Variants in COL7A1 observed in about 807,000 individuals in gnomAD.
The protein encoded by COL7A1 is collagen alpha-1(VII) chain.
A neutral mutation model predicts 456.2 loss-of-function variants in COL7A1; 296 were observed. The ratio of observed to expected loss-of-function variants is 0.65; its 90% CI spans 0.59 to 0.71. COL7A1 has a LOEUF of 0.71. Among genes scored for constraint, COL7A1 ranks in the 30% least tolerant of loss-of-function variants. The pLI, the probability that COL7A1 is intolerant of heterozygous loss-of-function variation, is 0.00. For missense variants in COL7A1, 3,441 were observed against 4,017.2 expected, an observed-to-expected ratio of 0.86 and a Z score of 3.88; for synonymous variants, 1,464 against 1,525.9, an observed-to-expected ratio of 0.96 and a Z score of 0.95.
rs1395765132 is a variant in COL7A1, at chr3:48,592,100, A to T, written c.1240+2T>A. ...CCTGAAGAAAGTGCCCAGCCTTCTC[A>T]CCAGTGCGAGCCATCAGGGAAGTGG... On this transcript the variant is annotated splice_donor_variant, in intron 10 of 118. Coordinates refer to ENST00000681320, the MANE Select transcript of COL7A1 (RefSeq NM_000094.4). LOFTEE classifies it high-confidence loss of function. This position sits in a 1 kb window ranked among gnomAD's most constrained non-coding sequence, Gnocchi z 7.6. The T allele has an allele frequency of 6.2e-7, 1 of 1,614,068 alleles. No homozygotes were observed. The highest frequency in any genetic ancestry group is 1.7e-5 in the Admixed American group (1 of 60,032).
In COL7A1 at chr3:48,586,414, G is replaced by A. The variant is rs755299317; in HGVS notation, c.3468C>T (p.His1156=). 9 of 1,613,762 alleles carry A rather than the reference G, an allele frequency of 5.6e-6. No homozygotes were observed. In the Admixed American group the frequency reaches 1.0e-4, roughly 18 times the overall value. The change falls in exon 27 of 119, where the codon CAC becomes CAT. Residue 1156 remains histidine, a synonymous_variant. Transcript: ENST00000681320. The surrounding 1 kb of genome is among the most constrained non-coding windows in gnomAD (Gnocchi z 5.1). ...LAPDAPGRRQ[H]VPGVMVLLVD... is the part of the protein sequence containing the mutation. ...CTAGCAGAACCATCACCCCTGGTAC[G>A]TGCTGGCGGCGCCCAGGAGCATCTG... is the stretch of plus-strand genomic sequence containing the variant.
chr3:48,580,034 C>G lies in COL7A1; in HGVS notation c.5121G>C (p.Arg1707=), dbSNP rs2107702844. The G allele has an allele frequency of 6.2e-7, 1 of 1,613,988 alleles. No homozygotes were observed. Among genetic ancestry groups the G allele is most frequent in the Non-Finnish European group, 8.5e-7 (1 of 1,179,970 alleles). The change falls in exon 57 of 119, where the codon CGG becomes CGC. Residue 1707 remains arginine, a synonymous_variant. Transcript: ENST00000681320. This position sits in a 1 kb window ranked among gnomAD's most constrained non-coding sequence, Gnocchi z 4.5. ...CCAGACCCAGCGCAGCCCTTACCAGCCGTCCCGGGGGTCCTGGGGGACCCT... is the reference window on the plus strand; with the variant it reads ...CCAGACCCAGCGCAGCCCTTACCAGGCGTCCCGGGGGTCCTGGGGGACCCT... The part of the protein sequence containing the change: ...GEPGPPGPPG[R]LVDTGPGARE...
chr3:48,584,478 C>A lies in COL7A1; in HGVS notation c.4119+7G>T, dbSNP rs372331035. 2 of 1,614,016 alleles carry A rather than the reference C, an allele frequency of 1.2e-6. No homozygotes were observed. The highest frequency in any genetic ancestry group is 4.5e-5 in the East Asian group (2 of 44,882). On this transcript the variant is annotated splice_region_variant and intron_variant, in intron 36 of 118. Coordinates refer to ENST00000681320, the MANE Select transcript of COL7A1 (RefSeq NM_000094.4). ...ACATCACTTGCCTCCACATACCCTG[C>A]ACTTACCGATGGTCCAGGGTCCCCT...
Position 48,585,796 on chromosome 3 carries a change from C to A in COL7A1, c.3786+34G>T. On this transcript the variant is annotated intron_variant, in intron 30 of 118. Transcript: ENST00000681320. The surrounding 1 kb of genome is among the most constrained non-coding windows in gnomAD (Gnocchi z 4.5). ...CTCTCCTGCCCCACTGACACTCAAC[C>A]CATTCTCTATTCCCCGCCCGCAGGG... 1 of 1,614,092 alleles carries A rather than the reference C, an allele frequency of 6.2e-7. No individual in the cohort carries two copies. Among genetic ancestry groups the A allele is most frequent in the Non-Finnish European group, 8.5e-7 (1 of 1,180,016 alleles).
Position 48,590,297 on chromosome 3 carries a change from G to A in COL7A1, c.1966C>T (p.Gln656Ter). The A allele has an allele frequency of 6.2e-7, 1 of 1,614,068 alleles. No homozygotes were observed. Among genetic ancestry groups the A allele is most frequent in the South Asian group, 1.1e-5 (1 of 91,076 alleles). The change falls in exon 16 of 119, where the codon CAG becomes TAG. Residue 656 changes from glutamine to a stop codon, truncating the protein, a stop_gained. Transcript: ENST00000681320. LOFTEE classifies it high-confidence loss of function. This position sits in a 1 kb window ranked among gnomAD's most constrained non-coding sequence, Gnocchi z 4.6. Reference protein sequence around the residue: ...DSTATDITGLQPGTTYQVAVS... With the variant: ...DSTATDITGL ...GCCACCTGGTAGGTGGTTCCAGGCT[G>A]CAGCCCTGTGATGTCTGTGGCAGTA...
chr3:48,587,154 C>T lies in COL7A1; in HGVS notation c.3139+36G>A. 1 of 1,613,660 alleles carries T rather than the reference C, an allele frequency of 6.2e-7. No individual in the cohort carries two copies. The highest frequency in any genetic ancestry group is 8.5e-7 in the Non-Finnish European group (1 of 1,179,914). ...TACTGAAGCGGGCAGCCCACCCAGA[C>T]ACACCTTTCTGCCCTTCCCACTACG... On this transcript the variant is annotated intron_variant, in intron 24 of 118. Transcript: ENST00000681320. The surrounding 1 kb of genome is among the most constrained non-coding windows in gnomAD (Gnocchi z 6.1).
rs1179076720 is a variant in COL7A1 at position 48,579,582 on chromosome 3, ACT to A, written c.5235+4_5235+5del. 1.2e-6 allele frequency: 2 copies of A among 1,613,238 alleles called. No homozygotes were observed. The highest frequency in any genetic ancestry group is 1.7e-6 in the Non-Finnish European group (2 of 1,179,878). On this transcript the variant is annotated splice_donor_5th_base_variant and intron_variant, in intron 59 of 118. Coordinates refer to ENST00000681320, the MANE Select transcript of COL7A1 (RefSeq NM_000094.4). The surrounding 1 kb of genome is among the most constrained non-coding windows in gnomAD (Gnocchi z 4.4). Reference sequence around the variant, plus strand: ...GCCTGCACCCCCGAGGACCAATCACACTCACCCTTTCCCCAGGGGCTCCAGGG... The same window carrying A: ...GCCTGCACCCCCGAGGACCAATCACACACCCTTTCCCCAGGGGCTCCAGGG...
At position 48,576,567 on chromosome 3, in the gene COL7A1, G is replaced by A. The variant is rs1471404340; in HGVS notation, c.5701-10C>T. 17 of 1,606,928 alleles carry A rather than the reference G, an allele frequency of 1.1e-5. No individual in the cohort carries two copies. The highest frequency in any genetic ancestry group is 2.3e-5 in the East Asian group (1 of 44,410). ...GGACACCAGGAAAACCCTGAGATAC[G>A]GCAGAACACAAAGGGGTCACAAAGG... On this transcript the variant is annotated splice_polypyrimidine_tract_variant and intron_variant, in intron 68 of 118. Coordinates refer to ENST00000681320, the MANE Select transcript of COL7A1 (RefSeq NM_000094.4).
Position 48,590,199 on chromosome 3 carries a change from G to C in COL7A1, c.2050+14C>G. Reference sequence around the variant, plus strand: ...ATGGAGGCAGAGAGCCAAGGGACGGGGGCAGGGCCTGACCCGTTCGAGCCA... The same window carrying C: ...ATGGAGGCAGAGAGCCAAGGGACGGCGGCAGGGCCTGACCCGTTCGAGCCA... On this transcript the variant is annotated intron_variant, in intron 16 of 118. Transcript: ENST00000681320. The surrounding 1 kb of genome is among the most constrained non-coding windows in gnomAD (Gnocchi z 4.6). 1 of 1,611,150 alleles carries C rather than the reference G, an allele frequency of 6.2e-7. No homozygotes were observed. Among genetic ancestry groups the C allele is most frequent in the Non-Finnish European group, 8.5e-7 (1 of 1,178,486 alleles).
Position 48,593,829 on chromosome 3 carries a change from C to T in COL7A1, c.267-133G>A. On this transcript the variant is annotated intron_variant, in intron 3 of 118. Transcript: ENST00000681320. This position sits in a 1 kb window ranked among gnomAD's most constrained non-coding sequence, Gnocchi z 4.4. ...GGTCCCTTCGTTCTGTCATTCTCCA[C>T]ACCCACTTGCCTCTGGAACCCCCAG... 1.8e-6 allele frequency: 2 copies of T among 1,088,420 alleles called. No individual in the cohort carries two copies. Among genetic ancestry groups the T allele is most frequent in the Non-Finnish European group, 2.8e-6 (2 of 723,118 alleles). 67.4% of individuals were successfully genotyped at this position (1,088,420 alleles called of 1,614,324 possible).
rs569933293 is a variant in COL7A1 at position 48,586,404 on chromosome 3, C to T, written c.3478G>A (p.Val1160Met). The change falls in exon 27 of 119, where the codon GTG (valine) becomes ATG (methionine). Residue 1160 changes from valine (V) to methionine (M), a missense_variant. Transcript: ENST00000681320. The surrounding 1 kb of genome is among the most constrained non-coding windows in gnomAD (Gnocchi z 5.1). ...GGTTCATCCACTAGCAGAACCATCA[C>T]CCCTGGTACGTGCTGGCGGCGCCCA... Reference protein sequence around the residue: ...APGRRQHVPGVMVLLVDEPLR... With the variant: ...APGRRQHVPGMMVLLVDEPLR... 2 of 1,613,900 alleles carry T rather than the reference C, an allele frequency of 1.2e-6. No homozygotes were observed. Among genetic ancestry groups the T allele is most frequent in the South Asian group, 2.2e-5 (2 of 91,086 alleles).
At chr3:48,582,922 G>C (rs1417236192) in intron 44 of COL7A1, 91 bp downstream of exon 44, 1 of 1,569,852 alleles carries the variant, frequency 6.4e-7, no homozygotes, top group African/African-American at 1.4e-5. Flanking sequence ...GGGGTGAGGA[G>C]CAGGGGTAGC....
rs2044351205 is a variant in COL7A1 at position 48,576,928 on chromosome 3, G to C, written c.5569-9C>G. 6 of 1,614,056 alleles carry C rather than the reference G, an allele frequency of 3.7e-6. No homozygotes were observed. The highest frequency in any genetic ancestry group is 5.1e-6 in the Non-Finnish European group (6 of 1,180,026). ...GAATCTCCTTTCTCTCCCTAAGGAA[G>C]ACAAGGATGCTTCAGGCATGGCTCC... is the stretch of plus-strand genomic sequence containing the variant. On this transcript the variant is annotated splice_polypyrimidine_tract_variant and intron_variant, in intron 66 of 118. Coordinates refer to ENST00000681320, the MANE Select transcript of COL7A1 (RefSeq NM_000094.4).
intron 16 of COL7A1, 51 bp from the exon 17 acceptor site, chr3:48,589,769 G>A: frequency 6.2e-7 from 1 of 1,613,186 alleles, no homozygotes; most frequent in African/African-American, 1.3e-5. Flanking sequence ...GGAAGGAGTG[G>A]GGCTATCTGA....
Position 48,572,471 on chromosome 3 carries a change from C to T in COL7A1, c.6936+32G>A. The T allele has an allele frequency of 6.2e-7, 1 of 1,613,556 alleles. No individual in the cohort carries two copies. The highest frequency in any genetic ancestry group is 8.5e-7 in the Non-Finnish European group (1 of 1,179,846). ...GATTCCTTGGCCCCCACCAGTTGAC[C>T]CCCCCTCACTGGCAGCCCCACACAC... On this transcript the variant is annotated intron_variant, in intron 89 of 118. Coordinates refer to ENST00000681320, the MANE Select transcript of COL7A1 (RefSeq NM_000094.4). The surrounding 1 kb of genome is among the most constrained non-coding windows in gnomAD (Gnocchi z 4.6).
Position 48,588,482 on chromosome 3 carries a change from G to A in COL7A1, c.2588-78C>T, listed in dbSNP as rs1269933179. 2.6e-5 allele frequency: 42 copies of A among 1,590,906 alleles called. No individual in the cohort carries two copies. The South Asian group carries it at 3.8e-4, about 14-fold the overall frequency. On this transcript the variant is annotated intron_variant, in intron 20 of 118. Coordinates refer to ENST00000681320, the MANE Select transcript of COL7A1 (RefSeq NM_000094.4). This position sits in a 1 kb window ranked among gnomAD's most constrained non-coding sequence, Gnocchi z 4.6. ...CAATCCCAGGCCCACCCTGGCACAC[G>A]CACCCCGCCCAGCCTCTCAGACCCC...
rs1164339555 is a variant in COL7A1, at chr3:48,579,879, A to C, written c.5125-65T>G. The C allele has an allele frequency of 6.2e-7, 1 of 1,612,344 alleles. No individual in the cohort carries two copies. The highest frequency in any genetic ancestry group is 8.5e-7 in the Non-Finnish European group (1 of 1,178,716). ...GGGGAAGAGGAGTTGGCGAGGGGAT[A>C]CAGGGTCTGTGAGGGGCTCCAGGGA... is the stretch of plus-strand genomic sequence containing the variant. On this transcript the variant is annotated intron_variant, in intron 57 of 118. Transcript: ENST00000681320. The surrounding 1 kb of genome is among the most constrained non-coding windows in gnomAD (Gnocchi z 4.4).
Position 48,575,639 on chromosome 3 carries a change from G to A in COL7A1, c.5966C>T (p.Pro1989Leu). 3.1e-6 allele frequency: 5 copies of A among 1,613,378 alleles called. No homozygotes were observed. The highest frequency in any genetic ancestry group is 2.2e-5 in the East Asian group (1 of 44,882). The change falls in exon 73 of 119, where the codon CCC (proline) becomes CTC (leucine). Residue 1989 changes from proline (P) to leucine (L), a missense_variant. Physicochemically the swap from Pro to Leu is moderately conservative, Grantham distance 98. Transcript: ENST00000681320. The surrounding 1 kb of genome is among the most constrained non-coding windows in gnomAD (Gnocchi z 6.3). The part of the protein sequence containing the change: ...GPKGDSGEQG[P>L]PGKEGPIGFP... ...ACTTCTGCTCACCTCCTTGCCTGGGGGGCCCTGTTCGCCTGAGTCCCCCTT... is the reference window on the plus strand; with the variant it reads ...ACTTCTGCTCACCTCCTTGCCTGGGAGGCCCTGTTCGCCTGAGTCCCCCTT...
Position 48,568,868 on chromosome 3 carries a change from C to G in COL7A1, c.7687-13G>C, listed in dbSNP as rs529529748. 6.4e-7 allele frequency: 1 copy of G among 1,568,688 alleles called. No individual in the cohort carries two copies. Among genetic ancestry groups the G allele is most frequent in the East Asian group, 2.3e-5 (1 of 42,854 alleles). On this transcript the variant is annotated splice_polypyrimidine_tract_variant and intron_variant, in intron 103 of 118. Transcript: ENST00000681320. The surrounding 1 kb of genome is among the most constrained non-coding windows in gnomAD (Gnocchi z 5.2). The stretch of plus-strand genomic sequence containing the variant: ...CTCCCTTGCTGCCCTGTGGGAGTGA[C>G]CAGGAGAGGGATTCAGTCAGGACCA...
Sources: allele counts gnomAD v4.1 joint callset, GRCh38; gene constraint gnomAD v4.1.1; non-coding constraint Gnocchi (gnomAD v3.1); transcripts MANE v1.5; gene names NCBI Gene and HGNC (gene_info 2026-07-23, HGNC 2026-07-21).